SENP7: variants seen among roughly 807,000 people sequenced by gnomAD.
SENP7 encodes SUMO specific peptidase 7, also known as sentrin-specific protease 7.
In SENP7, 64 loss-of-function variants were observed where a neutral mutation model predicts 141.2. The observed-to-expected ratio is 0.45, with a 90% CI of 0.37 to 0.56. The LOEUF (loss-of-function observed/expected upper bound fraction) is 0.56. Among genes scored for constraint, SENP7 ranks in the 20% least tolerant of loss-of-function variants. SENP7 has a pLI of 0.00. For synonymous variants in SENP7, 382 were observed against 426.4 expected, an observed-to-expected ratio of 0.90 and a Z score of 1.28; for missense variants, 1,025 against 1,212.2, an observed-to-expected ratio of 0.85 and a Z score of 2.29.
intron 17 of SENP7, among the ~76,000 whole-genome samples, chr3:101,333,841 T>C (rs938324288): frequency 2.6e-5 from 4 of 152,212 alleles, no homozygotes; most frequent in African/African-American, 9.6e-5. Flanking sequence ...AAAGGAATTA[T>C]GGTAATGCAG....
Position 101,374,240 on chromosome 3 carries a change from T to C in SENP7, c.678-2114A>G, listed in dbSNP as rs61694580. Among the ~76,000 whole-genome samples the C allele has an allele frequency of 6.9e-3, 1,046 of 152,170 alleles. 8 individuals carry two copies. The highest frequency in any genetic ancestry group is 0.024 in the African/African-American group (991 of 41,538). On this transcript the variant is annotated intron_variant, in intron 6 of 23. Coordinates refer to ENST00000394095, the MANE Select transcript of SENP7 (RefSeq NM_020654.5). ...TTTTCAATAAAGGGTGCTGTGAACA[T>C]AGGATAGTCATATGCAAAAGGAAGA...
intron 4 of SENP7, among the ~76,000 whole-genome samples, chr3:101,422,317 T>G (rs943225842): frequency 6.6e-6 from 1 of 151,980 alleles, no homozygotes; most frequent in African/African-American, 2.4e-5. Context: ...GCCAAAAAGG[T>G]TGGGGACTGC....
intron 2 of SENP7, among the ~76,000 whole-genome samples, chr3:101,496,131 T>C (rs2065150231): frequency 6.6e-6 from 1 of 152,214 alleles, no homozygotes; most frequent in South Asian, 2.1e-4. Context: ...ACTAGAAGGA[T>C]ACACACCAAA....
intron 10 of SENP7, among the ~76,000 whole-genome samples, chr3:101,362,381 T>G (rs6441599): frequency 6.6e-6 from 1 of 152,226 alleles, no homozygotes; most frequent in Non-Finnish European, 1.5e-5. Flanking sequence ...AAGATTCAAA[T>G]GCACGTTTCT....
chr3:101,463,366 T>TAAATATATATAC (rs796724812), intron 3 of SENP7, among the ~76,000 whole-genome samples: 3 of 62,364 alleles, frequency 4.8e-5, no homozygotes, highest in Non-Finnish European at 9.3e-5. Flanking sequence ...AATAAATAAA[T>TAAATATATATAC]ATATATATAT....
At chr3:101,399,590 G>C (rs2061072896) in intron 5 of SENP7, among the ~76,000 whole-genome samples, 1 of 152,228 alleles carries the variant, frequency 6.6e-6, no homozygotes, top group Non-Finnish European at 1.5e-5. Flanking sequence ...ATGCTAATAT[G>C]TAATAGCATC....
chr3:101,443,294 G>A (rs1482799195), intron 4 of SENP7, among the ~76,000 whole-genome samples: 5 of 152,122 alleles, frequency 3.3e-5, no homozygotes, highest in Non-Finnish European at 5.9e-5. Flanking sequence ...GCTCTGTTCT[G>A]TTCCATTGAT....
In SENP7 at chr3:101,438,868, CG is replaced by C. The variant is rs1327105420; in HGVS notation, c.284+20086del. 6.4e-4 allele frequency among the ~76,000 whole-genome samples: 97 copies of C among 151,788 alleles called. 1 individual carries two copies. Among genetic ancestry groups the C allele is most frequent in the South Asian group, 1.7e-3 (8 of 4,810 alleles). On this transcript the variant is annotated intron_variant, in intron 4 of 23. Transcript: ENST00000394095. ...GGGAGGCAGCGGCTGGAGGAGCGGA[CG>C]GGCCCCGCGGGGCCCGAGGGCAAGG... is the stretch of plus-strand genomic sequence containing the variant.
intron 1 of SENP7, among the ~76,000 whole-genome samples, chr3:101,507,877 C>T (rs1576561020): frequency 6.6e-6 from 1 of 151,698 alleles, no homozygotes. Flanking sequence ...GGTGAAACCC[C>T]GTCTCTACTA....
Position 101,348,067 on chromosome 3 carries a change from G to T in SENP7, c.1658-16C>A, listed in dbSNP as rs2059516203. ...TTCAGGGACACTGAAACAAATAAAA[G>T]ACAACAATTTAAAAAATTAATCCAT... is the stretch of plus-strand genomic sequence containing the variant. On this transcript the variant is annotated splice_polypyrimidine_tract_variant and intron_variant, in intron 12 of 23. Coordinates refer to ENST00000394095, the MANE Select transcript of SENP7 (RefSeq NM_020654.5). 2.6e-6 allele frequency: 4 copies of T among 1,534,242 alleles called. No homozygotes were observed. The African/African-American group carries it at 5.6e-5, about 21-fold the overall frequency.
chr3:101,365,497 A>G (rs1186287227), intron 9 of SENP7, among the ~76,000 whole-genome samples: 4 of 151,382 alleles, frequency 2.6e-5, no homozygotes, highest in Non-Finnish European at 4.4e-5. Context: ...TTAGCCGGGC[A>G]TGGTGGTACA....
At chr3:101,444,134 T>G (rs1330783863) in intron 4 of SENP7, among the ~76,000 whole-genome samples, 5 of 133,670 alleles carry the variant, frequency 3.7e-5, no homozygotes, top group African/African-American at 1.3e-4. Context: ...AAAAAACACA[T>G]GAAAAAATGC....
intron 15 of SENP7, 111 bp from the exon 16 acceptor site, chr3:101,340,322 T>A: frequency 7.6e-7 from 1 of 1,320,808 alleles, no homozygotes; most frequent in Non-Finnish European, 1.0e-6. Flanking sequence ...CTCAAATCTG[T>A]AGGGTAAAAA....
intron 13 of SENP7, chr3:101,347,265 A>G (rs942965908): frequency 3.3e-5 from 5 of 152,276 alleles, no homozygotes; most frequent in African/African-American, 1.2e-4. Flanking sequence ...AACATGGCAA[A>G]TGACTAAAAG....
chr3:101,367,260 C>G (rs945994454), intron 8 of SENP7, among the ~76,000 whole-genome samples: 7 of 152,036 alleles, frequency 4.6e-5, no homozygotes, highest in African/African-American at 1.7e-4. Context: ...AAAAACATTA[C>G]AAGGTCCTGA....
At chr3:101,432,044 G>A (rs2062199852) in intron 4 of SENP7, among the ~76,000 whole-genome samples, 1 of 152,138 alleles carries the variant, frequency 6.6e-6, no homozygotes, top group Non-Finnish European at 1.5e-5. Flanking sequence ...CTGACCTGGA[G>A]CAGAGGGGAG....
chr3:101,356,186 T>G (rs1333224816), intron 11 of SENP7, among the ~76,000 whole-genome samples: 1 of 152,202 alleles, frequency 6.6e-6, no homozygotes, highest in African/African-American at 2.4e-5. Context: ...AACACCTACC[T>G]TATACGTTAC....
At chr3:101,395,720 A>C (rs973261723) in intron 6 of SENP7, among the ~76,000 whole-genome samples, 1 of 152,208 alleles carries the variant, frequency 6.6e-6, no homozygotes, top group Non-Finnish European at 1.5e-5. Context: ...TGCTAAATTA[A>C]ATGGGGAGGC....
At chr3:101,328,441 G>A in intron 22 of SENP7, 37 bp downstream of exon 22, 1 of 1,497,668 alleles carries the variant, frequency 6.7e-7, no homozygotes, top group Non-Finnish European at 9.3e-7. Context: ...TGAGGTTTTA[G>A]ATAACAGACT....
Sources: allele counts gnomAD v4.1 joint callset (sites outside exome capture counted in the v4.1 genomes callset), GRCh38; gene constraint gnomAD v4.1.1; transcripts MANE v1.5; gene names NCBI Gene and HGNC (gene_info 2026-07-23, HGNC 2026-07-21).